DGKB: variants seen among roughly 807,000 people sequenced by gnomAD.
DGKB encodes diacylglycerol kinase beta.
In DGKB, 67 loss-of-function variants were observed where a neutral mutation model predicts 114.3. The ratio of observed to expected loss-of-function variants is 0.59; its 90% CI spans 0.48 to 0.72. DGKB has a LOEUF of 0.72. DGKB is among the 30% of genes least tolerant of loss of function. The pLI is 0.00. For missense variants in DGKB, 907 were observed against 975.2 expected (o/e 0.93, Z 0.93); for synonymous variants, 398 against 323.1 (o/e 1.23, Z -2.49).
chr7:14,625,542 T>C (rs1189993610), intron 14 of DGKB, among the ~76,000 whole-genome samples: 2 of 152,154 alleles, frequency 1.3e-5, no homozygotes. Flanking sequence ...AGCTCACCAA[T>C]CTTAGGTTGC....
At chr7:14,715,993 C>G (rs949845672) in intron 6 of DGKB, among the ~76,000 whole-genome samples, 1 of 152,020 alleles carries the variant, frequency 6.6e-6, no homozygotes. Flanking sequence ...TGGAAAGTGG[C>G]GGGAGGCACT....
At chr7:14,951,076 A>T (rs992216319) in intron 1 of DGKB, among the ~76,000 whole-genome samples, 1 of 151,986 alleles carries the variant, frequency 6.6e-6, no homozygotes, top group Non-Finnish European at 1.5e-5. Context: ...AAAATCACTA[A>T]AACTAGGAAT....
At chr7:14,741,694 A>G (rs1009574417) in intron 4 of DGKB, among the ~76,000 whole-genome samples, 4 of 152,154 alleles carry the variant, frequency 2.6e-5, no homozygotes, top group African/African-American at 7.2e-5. Context: ...TAGTTTTTGT[A>G]AAAACTGCTT....
Position 14,874,605 on chromosome 7 carries a change from A to C in DGKB, c.-188+27987T>G, listed in dbSNP as rs564392240. Among the ~76,000 whole-genome samples the C allele has an allele frequency of 4.6e-5, 7 of 152,046 alleles. No individual in the cohort carries two copies. In the East Asian group the frequency reaches 1.4e-3, roughly 29 times the overall value. On this transcript the variant is annotated intron_variant, in intron 1 of 25. Transcript: ENST00000402815. Reference sequence around the variant, plus strand: ...GAAGGATATACACACACACACACATATCTATATATAAATGGGGTAGTTAAT... The same window carrying C: ...GAAGGATATACACACACACACACATCTCTATATATAAATGGGGTAGTTAAT...
At chr7:14,487,556 A>G (rs1442655422) in intron 20 of DGKB, among the ~76,000 whole-genome samples, 2 of 151,708 alleles carry the variant, frequency 1.3e-5, no homozygotes, top group Admixed American at 1.3e-4. Context: ...ATTTTACTCC[A>G]AAAAGTCAAA....
At chr7:14,568,251 A>G (rs1054396828) in intron 20 of DGKB, among the ~76,000 whole-genome samples, 2 of 152,180 alleles carry the variant, frequency 1.3e-5, no homozygotes, top group African/African-American at 2.4e-5. Flanking sequence ...TCACTGTGGA[A>G]GAATATCTAT....
chr7:14,657,090 T>C (rs1192823029), intron 13 of DGKB, among the ~76,000 whole-genome samples: 1 of 151,808 alleles, frequency 6.6e-6, no homozygotes, highest in Non-Finnish European at 1.5e-5. Context: ...TTTCTTATGC[T>C]ATGTCTCTTT....
At chr7:14,545,825 G>T (rs966473665) in intron 20 of DGKB, among the ~76,000 whole-genome samples, 1 of 152,190 alleles carries the variant, frequency 6.6e-6, no homozygotes, top group Non-Finnish European at 1.5e-5. Flanking sequence ...TCTACCTCTA[G>T]AAAGGCCATA....
At position 14,244,029 on chromosome 7, in the gene DGKB, G is replaced by C. The variant is rs181868828; in HGVS notation, c.2123-65878C>G. 4.9e-5 allele frequency among the ~76,000 whole-genome samples: 7 copies of C among 144,080 alleles called. No individual in the cohort carries two copies. In the East Asian group the frequency reaches 1.5e-3, roughly 31 times the overall value. The allele number at this position is 144,080 out of a possible 152,430, so 94.5% of individuals were successfully genotyped here. On this transcript the variant is annotated intron_variant, in intron 23 of 25. Coordinates refer to ENST00000402815, the MANE Select transcript of DGKB (RefSeq NM_001350709.2). Reference sequence around the variant, plus strand: ...TACAGTGTTATGAGAGATTCTGAGAGAGAGAGACAGAGAGAGAGAGAGAGG... The same window carrying C: ...TACAGTGTTATGAGAGATTCTGAGACAGAGAGACAGAGAGAGAGAGAGAGG...
At position 14,563,643 on chromosome 7, in the gene DGKB, GTTT is replaced by G. The variant is rs66549760; in HGVS notation, c.1770+10566_1770+10568del. ...TCTGTCAGATAAATCATACAACTCTGTTTTTTTTTTTTTTTTAAGTTGGTTCTT... is the reference window on the plus strand; with the variant it reads ...TCTGTCAGATAAATCATACAACTCTGTTTTTTTTTTTTTAAGTTGGTTCTT... On this transcript the variant is annotated intron_variant, in intron 20 of 25. Transcript: ENST00000402815. 5.4e-3 allele frequency among the ~76,000 whole-genome samples: 682 copies of G among 125,788 alleles called. 1 individual carries two copies. The highest frequency in any genetic ancestry group is 8.2e-3 in the Non-Finnish European group (476 of 58,372). 82.5% of individuals were successfully genotyped at this position (125,788 alleles called of 152,430 possible). A position where few individuals can be genotyped will look rare whatever the true frequency, so the allele number is the denominator to read the frequency against.
At chr7:14,858,133 TC>T (rs1850449289) in intron 1 of DGKB, among the ~76,000 whole-genome samples, 1 of 152,168 alleles carries the variant, frequency 6.6e-6, no homozygotes, top group Non-Finnish European at 1.5e-5. Flanking sequence ...AAAATTGTTT[TC>T]CAATATTAAC....
rs138681698 is a variant in DGKB, at chr7:14,777,458, G to C, written c.71-19727C>G. On this transcript the variant is annotated intron_variant, in intron 2 of 25. Coordinates refer to ENST00000402815, the MANE Select transcript of DGKB (RefSeq NM_001350709.2). The stretch of plus-strand genomic sequence containing the variant: ...ACATGTCATGGGAGGGACCTGGTGG[G>C]AGGTAACTGAATCATGGTGGCAGGT... Among the ~76,000 whole-genome samples, 298 of 152,226 alleles carry C rather than the reference G, an allele frequency of 2.0e-3. 2 individuals carry two copies. The highest frequency in any genetic ancestry group is 0.014 in the Middle Eastern group (4 of 294).
chr7:14,149,665 T>C (rs1182513603), intron 25 of DGKB, among the ~76,000 whole-genome samples: 2 of 152,140 alleles, frequency 1.3e-5, no homozygotes, highest in Admixed American at 1.3e-4. Flanking sequence ...AAGATGTACT[T>C]GGTATCAAGG....
chr7:14,558,796 T>G (rs536181714), intron 20 of DGKB, among the ~76,000 whole-genome samples: 2 of 152,310 alleles, frequency 1.3e-5, no homozygotes, highest in East Asian at 3.9e-4. Flanking sequence ...TTGGCTCTTG[T>G]GTGCCTCAGA....
At chr7:14,882,475 G>A (rs1854385903) in intron 1 of DGKB, among the ~76,000 whole-genome samples, 2 of 151,974 alleles carry the variant, frequency 1.3e-5, no homozygotes, top group Non-Finnish European at 2.9e-5. Flanking sequence ...TGCAATACAA[G>A]TGCAATTTTG....
intron 25 of DGKB, among the ~76,000 whole-genome samples, chr7:14,156,867 T>TAACA (rs1392837499): frequency 6.6e-6 from 1 of 152,180 alleles, no homozygotes; most frequent in African/African-American, 2.4e-5. Context: ...GAATGTATAC[T>TAACA]AACATTCCTC....
chr7:14,156,797 C>T (rs112806650), intron 25 of DGKB, among the ~76,000 whole-genome samples: 5 of 152,116 alleles, frequency 3.3e-5, no homozygotes, highest in South Asian at 2.1e-4. Context: ...TTTTCTTTGG[C>T]GTATCTTTAT....
chr7:14,690,228 A>G (rs540276151), intron 9 of DGKB, among the ~76,000 whole-genome samples: 15 of 152,370 alleles, frequency 9.8e-5, no homozygotes, highest in African/African-American at 2.9e-4. Flanking sequence ...GAAATGTTCA[A>G]ACTGAAAGAG....
At chr7:14,237,070 T>A (rs904934593) in intron 23 of DGKB, among the ~76,000 whole-genome samples, 1 of 152,038 alleles carries the variant, frequency 6.6e-6, no homozygotes, top group African/African-American at 2.4e-5. Context: ...GCTCTTCCTG[T>A]AAATGAGGTT....
Sources: allele counts gnomAD v4.1 joint callset (sites outside exome capture counted in the v4.1 genomes callset), GRCh38; gene constraint gnomAD v4.1.1; transcripts MANE v1.5; gene names NCBI Gene and HGNC (gene_info 2026-07-23, HGNC 2026-07-21).